RALYL: variants seen among roughly 807,000 people sequenced by gnomAD.
The protein encoded by RALYL is RALY RNA binding protein like, also known as RNA-binding Raly-like protein.
RALYL carries 29 observed loss-of-function variants against 35.1 expected under a neutral mutation model. The ratio of observed to expected loss-of-function variants is 0.83; its 90% CI spans 0.61 to 1.13. The LOEUF (loss-of-function observed/expected upper bound fraction) is 1.13. Ranked by LOEUF, RALYL falls within the 50% of genes most tolerant of loss-of-function variation. The pLI, the probability that RALYL is intolerant of heterozygous loss-of-function variation, is 0.00. For missense variants in RALYL, 359 were observed against 360.4 expected (o/e 1.00, Z 0.03); for synonymous variants, 120 against 127.6 (o/e 0.94, Z 0.40).
intron 1 of RALYL, among the ~76,000 whole-genome samples, chr8:84,249,668 C>A (rs529925328): frequency 6.6e-6 from 1 of 152,096 alleles, no homozygotes; most frequent in South Asian, 2.1e-4. Context: ...GAAGACTAAA[C>A]TGAATTCTAG....
rs528805944 is a variant in RALYL at position 84,536,278 on chromosome 8, G to A, written c.256+6701G>A. 5.3e-5 allele frequency among the ~76,000 whole-genome samples: 8 copies of A among 152,244 alleles called. No homozygotes were observed. In the East Asian group the frequency reaches 1.5e-3, roughly 29 times the overall value. ...ATGGAAGAGTTAAGTGAAAAATACG[G>A]AGTACCAAGATTACTCAGAGGCTCA... On this transcript the variant is annotated intron_variant, in intron 2 of 8. Coordinates refer to ENST00000521268, the MANE Select transcript of RALYL (RefSeq NM_173848.7).
At chr8:84,272,414 GA>G (rs1216031160) in intron 1 of RALYL, among the ~76,000 whole-genome samples, 1 of 152,118 alleles carries the variant, frequency 6.6e-6, no homozygotes, top group African/African-American at 2.4e-5. Context: ...ATGTTTAATT[GA>G]AAGAGAGACA....
At chr8:84,533,582 C>A (rs1588033177) in intron 2 of RALYL, among the ~76,000 whole-genome samples, 1 of 152,118 alleles carries the variant, frequency 6.6e-6, no homozygotes. Flanking sequence ...TAGGAGGAAC[C>A]AAACACTGAA....
At chr8:84,484,328 G>A (rs942227030) in intron 1 of RALYL, among the ~76,000 whole-genome samples, 1 of 152,060 alleles carries the variant, frequency 6.6e-6, no homozygotes. Context: ...TGAAAGTAGA[G>A]TAAATTAAAT....
At chr8:84,830,090 T>A (rs1830576423) in intron 4 of RALYL, among the ~76,000 whole-genome samples, 1 of 147,664 alleles carries the variant, frequency 6.8e-6, no homozygotes, top group Non-Finnish European at 1.5e-5. Context: ...AGGCACTAAA[T>A]AGATCATAAC....
At chr8:84,469,674 G>T (rs1358725644) in intron 1 of RALYL, among the ~76,000 whole-genome samples, 1 of 152,180 alleles carries the variant, frequency 6.6e-6, no homozygotes, top group Non-Finnish European at 1.5e-5. Context: ...CACCCAGTTC[G>T]AGCTTCCCAG....
In RALYL at chr8:84,459,968, C is replaced by T. The variant is rs189331616; in HGVS notation, c.-23-69331C>T. 2.6e-3 allele frequency among the ~76,000 whole-genome samples: 388 copies of T among 151,590 alleles called. 2 individuals carry two copies. The highest frequency in any genetic ancestry group is 8.8e-3 in the African/African-American group (366 of 41,404). On this transcript the variant is annotated intron_variant, in intron 1 of 8. Coordinates refer to ENST00000521268, the MANE Select transcript of RALYL (RefSeq NM_173848.7). ...CTATAGAAATCTAGATAGGTTGATA[C>T]GAAATTTAGATTTTACTTTATATAA...
intron 2 of RALYL, among the ~76,000 whole-genome samples, chr8:84,683,721 CTG>C (rs1836146206): frequency 6.6e-6 from 1 of 152,086 alleles, no homozygotes; most frequent in African/African-American, 2.4e-5. Flanking sequence ...GAGTCTCACA[CTG>C]TCACCCAGGC....
At chr8:84,529,702 T>A (rs1415943580) in intron 2 of RALYL, 125 bp downstream of exon 2, 3 of 688,812 alleles carry the variant, frequency 4.4e-6, no homozygotes, top group Non-Finnish European at 4.4e-6. Context: ...GATTTTATAT[T>A]TATTATTTAT....
chr8:84,192,903 G>GTT, intron 1 of RALYL, among the ~76,000 whole-genome samples: 1 of 124,602 alleles, frequency 8.0e-6, no homozygotes, highest in Non-Finnish European at 1.7e-5. Context: ...GTGTGTGTGT[G>GTT]TGTGGGGGGG....
chr8:84,480,913 GA>G (rs917710508), intron 1 of RALYL, among the ~76,000 whole-genome samples: 8 of 151,662 alleles, frequency 5.3e-5, no homozygotes, highest in Non-Finnish European at 7.4e-5. Context: ...GATATTCAGA[GA>G]AAAAAAAGTC....
At chr8:84,394,565 C>A (rs866403785) in intron 1 of RALYL, among the ~76,000 whole-genome samples, 24 of 151,874 alleles carry the variant, frequency 1.6e-4, no homozygotes, top group African/African-American at 5.6e-4. Flanking sequence ...GTAAAAACTC[C>A]TTATCTCTAT....
chr8:84,285,104 T>C (rs904660903), intron 1 of RALYL, among the ~76,000 whole-genome samples: 1 of 152,184 alleles, frequency 6.6e-6, no homozygotes, highest in African/African-American at 2.4e-5. Flanking sequence ...AGTTCATTTT[T>C]TTCATTCAAG....
intron 1 of RALYL, among the ~76,000 whole-genome samples, chr8:84,516,817 T>G (rs2058101922): frequency 6.6e-6 from 1 of 152,172 alleles, no homozygotes; most frequent in South Asian, 2.1e-4. Flanking sequence ...ATATGGGTAT[T>G]CTATCTTCTT....
chr8:84,339,380 G>C (rs534853407), intron 1 of RALYL, among the ~76,000 whole-genome samples: 7 of 152,008 alleles, frequency 4.6e-5, no homozygotes, highest in Middle Eastern at 3.4e-3. Flanking sequence ...CCTCCTGTCA[G>C]ATTAATGGCA....
chr8:84,913,263 A>G (rs1847895881), intron 8 of RALYL, among the ~76,000 whole-genome samples: 1 of 151,996 alleles, frequency 6.6e-6, no homozygotes, highest in Non-Finnish European at 1.5e-5. Context: ...TGAACAGATG[A>G]TGTTAGAACC....
intron 1 of RALYL, among the ~76,000 whole-genome samples, chr8:84,238,507 A>G (rs753630737): frequency 1.3e-5 from 2 of 152,184 alleles, no homozygotes; most frequent in South Asian, 4.1e-4. Flanking sequence ...ACTGTAGCAT[A>G]TATCAACCAG....
intron 1 of RALYL, among the ~76,000 whole-genome samples, chr8:84,203,965 A>G (rs966227510): frequency 6.6e-6 from 1 of 151,988 alleles, no homozygotes; most frequent in Non-Finnish European, 1.5e-5. Flanking sequence ...ACATTCCTGG[A>G]ATTGAATGTA....
At chr8:84,233,332 C>T (rs1376628663) in intron 1 of RALYL, among the ~76,000 whole-genome samples, 1 of 152,054 alleles carries the variant, frequency 6.6e-6, no homozygotes, top group African/African-American at 2.4e-5. Flanking sequence ...CAAAAACTTC[C>T]ATTTTGTAGG....
Sources: gnomAD v4.1 joint callset for allele counts (sites outside exome capture counted in the v4.1 genomes callset) on GRCh38, gnomAD v4.1.1 for gene constraint, MANE v1.5 for transcripts, NCBI Gene and HGNC (gene_info 2026-07-23, HGNC 2026-07-21) for gene names.